Variants in COL2A1 observed in about 807,000 individuals in gnomAD.
The protein encoded by COL2A1 is collagen type II alpha 1 chain.
COL2A1 carries 28 observed loss-of-function variants against 204.5 expected under a neutral mutation model. That is an observed-to-expected ratio of 0.14 (90% CI 0.10 to 0.19). COL2A1 has a LOEUF of 0.19. Among genes scored for constraint, COL2A1 ranks in the 10% least tolerant of loss-of-function variants. The pLI is 1.00. For missense variants in COL2A1, 1,388 were observed against 2,027.5 expected (o/e 0.68, Z 6.06); for synonymous variants, 708 against 718.7 (o/e 0.99, Z 0.24).
chr12:47,974,756 A>G lies in COL2A1; in HGVS notation c.3993T>C (p.Val1331=), dbSNP rs376810076. The change falls in exon 52 of 54, where the codon GTT becomes GTC. Residue 1331 remains valine, a synonymous_variant. Coordinates refer to ENST00000380518, the MANE Select transcript of COL2A1 (RefSeq NM_001844.5). ...ETCVYPNPAN[V]PKKNWWSSKS... ...TGCTGCTCCACCAGTTCTTCTTGGG[A>G]ACGTTTGCTGGATTGGGGTAGACGC... 8.7e-6 allele frequency: 14 copies of G among 1,614,088 alleles called. No homozygotes were observed. The African/African-American group carries it at 1.9e-4, about 22-fold the overall frequency.
At chr12:47,989,424 T>C in intron 17 of COL2A1, 143 bp from the exon 18 acceptor site, 1 of 800,466 alleles carries the variant, frequency 1.2e-6, no homozygotes, top group Non-Finnish European at 2.1e-6. Flanking sequence ...TGGATGAAAA[T>C]TGTCCCCATT....
chr12:47,981,112 C>A, intron 37 of COL2A1, 144 bp from the exon 38 acceptor site: 1 of 943,366 alleles, frequency 1.1e-6, no homozygotes, highest in Non-Finnish European at 1.6e-6. Context: ...TGAACGCAGG[C>A]AGAGGCTCTG....
At chr12:47,981,752 G>T in intron 36 of COL2A1, 24 bp downstream of exon 36, 1 of 1,551,618 alleles carries the variant, frequency 6.4e-7, no homozygotes, top group South Asian at 1.2e-5. Context: ...GCAAGGTGTG[G>T]AGAGGAAAGG....
Position 47,975,428 on chromosome 12 carries a change from G to T in COL2A1, c.3775C>A (p.Leu1259Ile), listed in dbSNP as rs1938652504. The T allele has an allele frequency of 6.2e-7, 1 of 1,614,194 alleles. No homozygotes were observed. The highest frequency in any genetic ancestry group is 8.5e-7 in the Non-Finnish European group (1 of 1,180,030). ...RQHDAEVDAT[L>I]KSLNNQIESI... ...TCAATCTGGTTGTTGAGGGACTTGA[G>T]TGTGGCATCCACCTCGGCGTCATGC... is the stretch of plus-strand genomic sequence containing the variant. Residue 1259 changes from leucine (L) to isoleucine (I), a missense_variant, in exon 51 of 54, where the codon CTC becomes ATC. This residue lies in a region of COL2A1 where 303 missense variants were observed against 369.2 expected (regional missense o/e 0.82). Transcript: ENST00000380518.
chr12:47,994,527 T>C, intron 11 of COL2A1, 50 bp from the exon 12 acceptor site: 1 of 1,602,434 alleles, frequency 6.2e-7, no homozygotes, highest in East Asian at 2.2e-5. Context: ...CGCAGTAGCA[T>C]AGTGGGGGCA....
Position 47,990,139 on chromosome 12 carries a change from G to A in COL2A1, c.1024-334C>T, listed in dbSNP as rs185562303. Among the ~76,000 whole-genome samples, 676 of 152,220 alleles carry A rather than the reference G, an allele frequency of 4.4e-3. 5 individuals carry two copies. Among genetic ancestry groups the A allele is most frequent in the Middle Eastern group, 0.01 (3 of 294 alleles). On this transcript the variant is annotated intron_variant, in intron 16 of 53. Coordinates refer to ENST00000380518, the MANE Select transcript of COL2A1 (RefSeq NM_001844.5). Reference sequence around the variant, plus strand: ...CTGCCTCAGCCTCCTGAGTAACTGGGATTACAGGCATGTGTCACCACACCT... The same window carrying A: ...CTGCCTCAGCCTCCTGAGTAACTGGAATTACAGGCATGTGTCACCACACCT...
intron 1 of COL2A1, chr12:48,002,798 C>T (rs1275653112): frequency 6.6e-6 from 1 of 152,304 alleles, no homozygotes; most frequent in Non-Finnish European, 1.5e-5. Flanking sequence ...CAGGAGCGCG[C>T]CTCCAGCTTA....
chr12:47,980,657 G>C lies in COL2A1; in HGVS notation c.2522C>G (p.Ala841Gly). Residue 841 changes from alanine to glycine, a missense_variant, in exon 39 of 54, where the codon GCT becomes GGT. Transcript: ENST00000380518. The surrounding 1 kb of genome is among the most constrained non-coding windows in gnomAD (Gnocchi z 4.5). ...ACCCTTGGCCCCAGGCTGGCCATCAGCACCCTATAATGGGAAGGAGGAAGC... is the reference window on the plus strand; with the variant it reads ...ACCCTTGGCCCCAGGCTGGCCATCACCACCCTATAATGGGAAGGAGGAAGC... ...GPAGFAGPPG[A>G]DGQPGAKGEQ... 1 of 1,610,628 alleles carries C rather than the reference G, an allele frequency of 6.2e-7. No homozygotes were observed. The highest frequency in any genetic ancestry group is 8.5e-7 in the Non-Finnish European group (1 of 1,178,560).
Position 47,978,206 on chromosome 12 carries a change from G to A in COL2A1, c.3003+85C>T. On this transcript the variant is annotated intron_variant, in intron 43 of 53. Coordinates refer to ENST00000380518, the MANE Select transcript of COL2A1 (RefSeq NM_001844.5). This position sits in a 1 kb window ranked among gnomAD's most constrained non-coding sequence, Gnocchi z 5.5. The stretch of plus-strand genomic sequence containing the variant: ...ACCCTTCAGGGAGAGGGCAGACAAG[G>A]GACAGTCCTGAGGGTGCTGAGGGAG... 6.3e-7 allele frequency: 1 copy of A among 1,583,328 alleles called. No homozygotes were observed.
At chr12:47,984,662 G>C in intron 27 of COL2A1, 63 bp from the exon 28 acceptor site, 1 of 1,494,416 alleles carries the variant, frequency 6.7e-7, no homozygotes, top group Non-Finnish European at 9.3e-7. Flanking sequence ...GGGGCAGAGC[G>C]GGCTGCAGGG....
At position 47,973,224 on chromosome 12, in the gene COL2A1, CA is replaced by C. The variant is rs1024712027; in HGVS notation, c.*182del. On this transcript the variant is annotated 3_prime_UTR_variant, in exon 54 of 54. Coordinates refer to ENST00000380518, the MANE Select transcript of COL2A1 (RefSeq NM_001844.5). ...AATAGAACACCGAGATTTTATTTTG[CA>C]GTCTGCCCAGTTCAGGTCTCTTAGA... The C allele has an allele frequency of 2.7e-6, 2 of 730,518 alleles. No homozygotes were observed. Among genetic ancestry groups the C allele is most frequent in the African/African-American group, 3.5e-5 (2 of 56,968 alleles). The allele number at this position is 730,518 out of a possible 1,614,324, so 45.3% of individuals were successfully genotyped here.
chr12:47,995,167 G>A, intron 11 of COL2A1, 88 bp downstream of exon 11: 4 of 1,133,026 alleles, frequency 3.5e-6, no homozygotes, highest in South Asian at 2.5e-5. Context: ...TCCACCCTGG[G>A]TGCCTCCCTG....
intron 53 of COL2A1, 79 bp from the exon 54 acceptor site, chr12:47,973,632 G>A: frequency 6.5e-7 from 1 of 1,546,484 alleles, no homozygotes; most frequent in South Asian, 1.1e-5. Context: ...GCCCAAAACT[G>A]AACAAACTGG....
chr12:47,973,640 T>C, intron 53 of COL2A1, 87 bp from the exon 54 acceptor site: 1 of 1,523,504 alleles, frequency 6.6e-7, no homozygotes, highest in Non-Finnish European at 9.1e-7. Flanking sequence ...CTGAACAAAC[T>C]GGCGAGCATC....
intron 1 of COL2A1, among the ~76,000 whole-genome samples, chr12:48,003,543 G>GAGGCGC (rs1427094760): frequency 6.6e-6 from 1 of 152,136 alleles, no homozygotes; most frequent in Non-Finnish European, 1.5e-5. Flanking sequence ...TATCAGAAGA[G>GAGGCGC]AGGCGCAGGC....
At chr12:47,988,028 A>G (rs964961495) in intron 18 of COL2A1, among the ~76,000 whole-genome samples, 3 of 152,184 alleles carry the variant, frequency 2.0e-5, no homozygotes, top group African/African-American at 7.2e-5. Flanking sequence ...ACACCATCAG[A>G]AAAGCGTGGG....
chr12:47,982,084 T>G, intron 35 of COL2A1, 23 bp downstream of exon 35: 4 of 1,612,402 alleles, frequency 2.5e-6, no homozygotes, highest in Non-Finnish European at 3.4e-6. Flanking sequence ...TGCCCAGCAG[T>G]CCAGCAGCCC....
chr12:47,976,679 C>T lies in COL2A1; in HGVS notation c.3436-112G>A, dbSNP rs1464298748. On this transcript the variant is annotated intron_variant, in intron 48 of 53. Coordinates refer to ENST00000380518, the MANE Select transcript of COL2A1 (RefSeq NM_001844.5). The surrounding 1 kb of genome is among the most constrained non-coding windows in gnomAD (Gnocchi z 4.3). ...CAGCCCCATTCCCTTTCCACTTCCTCCTCCCTCCAGCCCTGAGGAAATCCT... is the reference window on the plus strand; with the variant it reads ...CAGCCCCATTCCCTTTCCACTTCCTTCTCCCTCCAGCCCTGAGGAAATCCT... The T allele has an allele frequency of 3.6e-6, 5 of 1,376,860 alleles. No individual in the cohort carries two copies. Among genetic ancestry groups the T allele is most frequent in the African/African-American group, 1.4e-5 (1 of 69,916 alleles). 85.3% of individuals were successfully genotyped at this position (1,376,860 alleles called of 1,614,324 possible).
At chr12:47,984,232 G>T in intron 28 of COL2A1, 92 bp from the exon 29 acceptor site, 1 of 1,207,726 alleles carries the variant, frequency 8.3e-7, no homozygotes, top group Non-Finnish European at 1.2e-6. Context: ...CTGGCCCAGA[G>T]TTTCCAGACC....
Sources: allele counts gnomAD v4.1 joint callset (sites outside exome capture counted in the v4.1 genomes callset), GRCh38; gene constraint gnomAD v4.1.1; regional missense constraint gnomAD v4.1.1; non-coding constraint Gnocchi (gnomAD v3.1); transcripts MANE v1.5; gene names NCBI Gene and HGNC (gene_info 2026-07-23, HGNC 2026-07-21).